The following DDX46 variants were observed in gnomAD, a reference collection of about 807,000 sequenced individuals.
The protein encoded by DDX46 is DEAD-box helicase 46, also known as probable ATP-dependent RNA helicase DDX46.
DDX46 carries 30 observed loss-of-function variants against 134.9 expected under a neutral mutation model. The ratio of observed to expected loss-of-function variants is 0.22; its 90% confidence interval spans 0.17 to 0.30. The LOEUF is 0.30. Ranked by LOEUF, DDX46 falls within the 10% of genes least tolerant of loss-of-function variation. The probability of loss-of-function intolerance (pLI) is 1.00; values close to 1 mark genes in which losing one functional copy is unlikely to be tolerated. For synonymous variants in DDX46, 415 were observed against 404.1 expected, an observed-to-expected ratio of 1.03 and a Z score of -0.32; for missense variants, 622 against 1,248.7, an observed-to-expected ratio of 0.50 and a Z score of 7.56.
Position 134,758,865 on chromosome 5 carries a change from A to G in DDX46, c.-74A>G, listed in dbSNP as rs1048451554. ...CTGGTCTTTGCCGGGCGTTGAGGGCAGCTCAGCCTCCTTGTTTGTCCGGTT... is the reference window on the plus strand; with the variant it reads ...CTGGTCTTTGCCGGGCGTTGAGGGCGGCTCAGCCTCCTTGTTTGTCCGGTT... On this transcript the variant is annotated 5_prime_UTR_variant, in exon 1 of 23. Coordinates refer to ENST00000452510, the MANE Select transcript of DDX46 (RefSeq NM_001300860.2). The G allele has an allele frequency of 6.2e-7, 1 of 1,611,290 alleles. No homozygotes were observed. The highest frequency in any genetic ancestry group is 8.5e-7 in the Non-Finnish European group (1 of 1,177,786).
At chr5:134,784,128 TG>T (rs1580790617) in intron 9 of DDX46, among the ~76,000 whole-genome samples, 1 of 152,246 alleles carries the variant, frequency 6.6e-6, no homozygotes, top group Non-Finnish European at 1.5e-5. Flanking sequence ...TTCATGTAAA[TG>T]GGATCAAACA....
rs1354912815 is a variant in DDX46, at chr5:134,777,651, T to C, written c.691T>C (p.Tyr231His). ...EGEELDPLDAYMEEVKEEVKK... is the reference protein window; with the variant it reads ...EGEELDPLDAHMEEVKEEVKK... The stretch of plus-strand genomic sequence containing the variant: ...TGAGGAGTTAGATCCATTAGATGCT[T>C]ACATGGAAGAAGTGAAAGAGGAAGT... Residue 231 changes from tyrosine (Y) to histidine (H), a missense_variant, in exon 6 of 23, where the codon TAC (tyrosine) becomes CAC (histidine). By Grantham distance (83) the Tyr-to-His change is moderately conservative. Coordinates refer to ENST00000452510, the MANE Select transcript of DDX46 (RefSeq NM_001300860.2). The C allele has an allele frequency of 6.2e-7, 1 of 1,613,860 alleles. No individual in the cohort carries two copies. Among genetic ancestry groups the C allele is most frequent in the Admixed American group, 1.7e-5 (1 of 59,898 alleles).
At chr5:134,771,143 T>C in intron 4 of DDX46, 144 bp downstream of exon 4, 1 of 541,108 alleles carries the variant, frequency 1.8e-6, no homozygotes, top group Admixed American at 3.6e-5. Context: ...TTTCTGTCTG[T>C]CTCTGTTGCC....
At chr5:134,816,167 T>G (rs1237108614) in intron 18 of DDX46, among the ~76,000 whole-genome samples, 2 of 152,188 alleles carry the variant, frequency 1.3e-5, no homozygotes, top group Non-Finnish European at 2.9e-5. Context: ...CTCTCAGGAG[T>G]CTGATGACGT....
At chr5:134,820,958 T>C (rs562128692) in intron 21 of DDX46, among the ~76,000 whole-genome samples, 1 of 147,422 alleles carries the variant, frequency 6.8e-6, no homozygotes, top group African/African-American at 2.5e-5. Context: ...TCCCACCTCC[T>C]GGGTTCAAGT....
At chr5:134,816,906 T>G (rs1561873669) in intron 19 of DDX46, 1 of 262,390 alleles carries the variant, frequency 3.8e-6, no homozygotes, top group Non-Finnish European at 7.2e-6. Flanking sequence ...TCTTTTTCTT[T>G]CTTTATCTGC....
chr5:134,760,808 C>T (rs1377425626), intron 1 of DDX46, among the ~76,000 whole-genome samples: 3 of 152,134 alleles, frequency 2.0e-5, no homozygotes, highest in Admixed American at 1.3e-4. Flanking sequence ...CGGCTCACTG[C>T]AAGCTCCGCC....
In DDX46 at chr5:134,770,958, GAC is replaced by G; in HGVS notation, c.408_409del (p.Asp136GlufsTer3). ...GGESSKEKKKDKDDKEDEKEK... is the reference protein window; with the variant it reads ...GGESSKEKKKXKDDKEDEKEK... ...GGAAAGTTCTAAAGAGAAGAAAAAA[GAC>G]AAAGATGACAAGGAGGATGAAAAAG... is the stretch of plus-strand genomic sequence containing the variant. On this transcript the variant is annotated frameshift_variant, in exon 4 of 23. Coordinates refer to ENST00000452510, the MANE Select transcript of DDX46 (RefSeq NM_001300860.2). LOFTEE classifies it high-confidence loss of function. 6.5e-7 allele frequency: 1 copy of G among 1,533,600 alleles called. No individual in the cohort carries two copies. Among genetic ancestry groups the G allele is most frequent in the Non-Finnish European group, 8.9e-7 (1 of 1,118,848 alleles). 95.0% of individuals were successfully genotyped at this position (1,533,600 alleles called of 1,614,324 possible).
At chr5:134,810,847 A>G (rs1447055857) in intron 16 of DDX46, among the ~76,000 whole-genome samples, 1 of 151,834 alleles carries the variant, frequency 6.6e-6, no homozygotes, top group Non-Finnish European at 1.5e-5. Flanking sequence ...CTCTAGTGAA[A>G]ATACAAAAAT....
chr5:134,764,849 T>C (rs1366038046), intron 2 of DDX46, among the ~76,000 whole-genome samples: 1 of 150,524 alleles, frequency 6.6e-6, no homozygotes. Context: ...ATCTCTCTCT[T>C]CCTTCCTCCC....
intron 20 of DDX46, among the ~76,000 whole-genome samples, chr5:134,818,146 A>G (rs1561874047): frequency 6.6e-6 from 1 of 151,172 alleles, no homozygotes; most frequent in Non-Finnish European, 1.5e-5. Context: ...TTTAGTAGAG[A>G]CAGGGCTTCA....
chr5:134,773,652 C>T (rs1753843745), intron 4 of DDX46, 44 bp from the exon 5 acceptor site: 1 of 1,532,684 alleles, frequency 6.5e-7, no homozygotes, highest in Non-Finnish European at 8.7e-7. Flanking sequence ...TTTGGTTTTG[C>T]TTTTTATTTT....
At chr5:134,802,119 T>C (rs1052572502) in intron 15 of DDX46, among the ~76,000 whole-genome samples, 3 of 151,018 alleles carry the variant, frequency 2.0e-5, no homozygotes, top group African/African-American at 7.3e-5. Flanking sequence ...TTTTTCAACC[T>C]TTTTTTTCCC....
intron 19 of DDX46, chr5:134,817,147 T>G: frequency 4.8e-6 from 1 of 208,152 alleles, no homozygotes; most frequent in Non-Finnish European, 9.5e-6. Flanking sequence ...GTACAAACAT[T>G]CAAATTCGGA....
At chr5:134,799,898 A>C (rs1050839257) in intron 15 of DDX46, among the ~76,000 whole-genome samples, 1 of 152,056 alleles carries the variant, frequency 6.6e-6, no homozygotes, top group Non-Finnish European at 1.5e-5. Flanking sequence ...AACCAAAAAA[A>C]ATCTAAGAAA....
At chr5:134,762,291 G>T (rs1249315911) in intron 1 of DDX46, among the ~76,000 whole-genome samples, 1 of 151,132 alleles carries the variant, frequency 6.6e-6, no homozygotes, top group Non-Finnish European at 1.5e-5. Flanking sequence ...GGTGGTGTGT[G>T]CCTTTGGTCT....
At position 134,806,877 on chromosome 5, in the gene DDX46, T is replaced by C. The variant is rs552997491; in HGVS notation, c.1955-871T>C. 4.6e-5 allele frequency among the ~76,000 whole-genome samples: 7 copies of C among 152,330 alleles called. No homozygotes were observed. In the East Asian group the frequency reaches 1.2e-3, roughly 25 times the overall value. ...AATAGAACTTTATGGTATTTTATAC[T>C]CTGCTTTGCCATTCATACTAAACCT... On this transcript the variant is annotated intron_variant, in intron 15 of 22. Transcript: ENST00000452510.
intron 21 of DDX46, chr5:134,825,671 G>A (rs1735758728): frequency 6.6e-6 from 1 of 151,984 alleles, no homozygotes; most frequent in African/African-American, 2.4e-5. Context: ...TCTCTTCTCA[G>A]TGTGCAATAT....
chr5:134,790,273 CA>C, intron 12 of DDX46, 196 bp from the exon 13 acceptor site: 1 of 631,972 alleles, frequency 1.6e-6, no homozygotes, highest in Non-Finnish European at 2.8e-6. Flanking sequence ...TACCCATTGT[CA>C]GAAAGTATTT....
Sources: allele counts gnomAD v4.1 joint callset (sites outside exome capture counted in the v4.1 genomes callset), GRCh38; gene constraint gnomAD v4.1.1; transcripts MANE v1.5; gene names NCBI Gene and HGNC (gene_info 2026-07-23, HGNC 2026-07-21).